Variants in LMF1 observed in about 807,000 individuals in gnomAD.
LMF1 encodes transmembrane protein 112.
In LMF1, 68 loss-of-function variants were observed where a neutral mutation model predicts 60.6. The observed-to-expected ratio is 1.12, with a 90% CI of 0.92 to 1.37. The LOEUF is 1.37. Among genes scored for constraint, LMF1 ranks in the 40% most tolerant of loss-of-function variants. LMF1 has a pLI of 0.00. For synonymous variants in LMF1, 418 were observed against 324.7 expected (o/e 1.29, Z -3.09); for missense variants, 948 against 767.2 (o/e 1.24, Z -2.78).
intron 1 of LMF1, chr16:978,985 T>C (rs1276031546): frequency 8.8e-6 from 4 of 453,988 alleles, no homozygotes; most frequent in South Asian, 6.2e-5. Flanking sequence ...AGACCATCCT[T>C]CCTGAAGTCC....
chr16:863,351 A>C (rs1178420232), intron 10 of LMF1, among the ~76,000 whole-genome samples: 2 of 152,140 alleles, frequency 1.3e-5, no homozygotes, highest in Non-Finnish European at 2.9e-5. Flanking sequence ...CATGTTGGCC[A>C]TGCTGGTCTT....
Position 940,027 on chromosome 16 carries a change from A to G in LMF1, c.504-5773T>C, listed in dbSNP as rs1392895334. Among the ~76,000 whole-genome samples the G allele has an allele frequency of 2.6e-5, 4 of 152,174 alleles. 1 individual carries two copies. Among genetic ancestry groups the G allele is most frequent in the Middle Eastern group, 3.2e-3 (1 of 316 alleles). ...GACGTCCTCATCAGAGAGACGTACC[A>G]GGAACCCTGAGACAGACCAAAGGGG... On this transcript the variant is annotated intron_variant, in intron 2 of 10. Transcript: ENST00000262301.
chr16:888,666 A>G (rs554968789), intron 5 of LMF1, among the ~76,000 whole-genome samples: 1 of 152,310 alleles, frequency 6.6e-6, no homozygotes, highest in Admixed American at 6.5e-5. Flanking sequence ...AGCCTGCTGC[A>G]TTCTGGACGG....
chr16:955,025 G>C lies in LMF1; in HGVS notation c.194-359C>G, dbSNP rs59007758. Among the ~76,000 whole-genome samples the C allele has an allele frequency of 6.8e-3, 887 of 129,764 alleles. 14 individuals are homozygous for C. The highest frequency in any genetic ancestry group is 7.7e-3 in the Non-Finnish European group (462 of 60,220). 85.1% of individuals were successfully genotyped at this position (129,764 alleles called of 152,430 possible). A position where few individuals can be genotyped will look rare whatever the true frequency, so the allele number is the denominator to read the frequency against. On this transcript the variant is annotated intron_variant, in intron 1 of 10. Coordinates refer to ENST00000262301, the MANE Select transcript of LMF1 (RefSeq NM_022773.4). The stretch of plus-strand genomic sequence containing the variant: ...AATGCGTGCCTGCAGCAGATGCGGT[G>C]TGTGCATACACACACACACATCTAA...
chr16:975,830 C>T (rs1446890616), upstream of LMF1: 3 of 453,996 alleles, frequency 6.6e-6, no homozygotes, highest in South Asian at 3.1e-5. Flanking sequence ...CCATCCTGGC[C>T]GGGGAGGTCA....
At chr16:903,994 G>C (rs1596959201) in intron 4 of LMF1, 1 of 164,562 alleles carries the variant, frequency 6.1e-6, no homozygotes, top group Non-Finnish European at 1.1e-5. Context: ...CAGGACGCCT[G>C]TCTCTGCTGT....
intron 3 of LMF1, among the ~76,000 whole-genome samples, chr16:928,166 T>C (rs1453793033): frequency 6.6e-6 from 1 of 152,206 alleles, no homozygotes; most frequent in African/African-American, 2.4e-5. Context: ...CCGTTGCTGC[T>C]GAGATTCATT....
intron 1 of LMF1, among the ~76,000 whole-genome samples, chr16:978,153 C>T (rs1219560464): frequency 1.4e-5 from 2 of 148,052 alleles, no homozygotes; most frequent in Non-Finnish European, 3.0e-5. Flanking sequence ...ACATCATACA[C>T]ACACACACAC....
At chr16:882,736 C>G (rs2070195787) in intron 5 of LMF1, among the ~76,000 whole-genome samples, 4 of 146,282 alleles carry the variant, frequency 2.7e-5, no homozygotes, top group Admixed American at 2.0e-4. Flanking sequence ...GGCAGCAGAG[C>G]CCATCGCAGG....
chr16:934,220 T>C (rs1173706268), intron 3 of LMF1, 24 bp downstream of exon 3: 6 of 1,599,374 alleles, frequency 3.8e-6, no homozygotes, highest in Middle Eastern at 1.7e-4. Flanking sequence ...CTCGCAGAGC[T>C]TTCTCTAAAT....
intron 3 of LMF1, among the ~76,000 whole-genome samples, chr16:920,518 A>T (rs2071404287): frequency 6.6e-6 from 1 of 152,232 alleles, no homozygotes; most frequent in African/African-American, 2.4e-5. Context: ...AAAGGCAGTG[A>T]ACACGAAGAC....
intron 3 of LMF1, among the ~76,000 whole-genome samples, chr16:922,588 G>A (rs191281564): frequency 0.017 from 2,340 of 141,134 alleles, 17 homozygotes; most frequent in Non-Finnish European, 0.024. Context: ...TCTGAAAGTC[G>A]CCTCGGTTTT....
rs779463192 is a variant in LMF1, at chr16:893,034, G to T, written c.702C>A (p.Asp234Glu). ...IKIRGDRCWR[D>E]LTCMDFHYET... Reference sequence around the variant, plus strand: ...CATAGTGGAAGTCCATGCAGGTGAGGTCTCGCCAGCACCGGTCCCCCCGGA... The same window carrying T: ...CATAGTGGAAGTCCATGCAGGTGAGTTCTCGCCAGCACCGGTCCCCCCGGA... The change falls in exon 5 of 11, where the codon GAC (aspartate) becomes GAA (glutamate). Residue 234 changes from aspartate (D) to glutamate (E), a missense_variant. Physicochemically the swap from Asp to Glu is conservative, Grantham distance 45. Transcript: ENST00000262301. 4.5e-6 allele frequency: 7 copies of T among 1,551,952 alleles called. No individual in the cohort carries two copies. The Admixed American group carries it at 1.2e-4, about 26-fold the overall frequency.
intron 10 of LMF1, among the ~76,000 whole-genome samples, chr16:859,131 C>G (rs79006679): frequency 0.036 from 1,379 of 38,426 alleles, 2 homozygotes; most frequent in Middle Eastern, 0.077. Flanking sequence ...CGGGTGTGCA[C>G]TGATGTCACG....
In LMF1 at chr16:870,900, T is replaced by G; in HGVS notation, c.1079-18A>C. On this transcript the variant is annotated intron_variant, in intron 7 of 10. Coordinates refer to ENST00000262301, the MANE Select transcript of LMF1 (RefSeq NM_022773.4). ...CACGGAGCCTGGCAGGGGAGTGACATCTTCCAGGTGGGGCTCCCAGCTGCC... is the reference window on the plus strand; with the variant it reads ...CACGGAGCCTGGCAGGGGAGTGACAGCTTCCAGGTGGGGCTCCCAGCTGCC... 6.3e-7 allele frequency: 1 copy of G among 1,593,686 alleles called. No individual in the cohort carries two copies. The highest frequency in any genetic ancestry group is 8.5e-7 in the Non-Finnish European group (1 of 1,173,948).
chr16:871,596 G>T, intron 6 of LMF1: 1 of 518,558 alleles, frequency 1.9e-6, no homozygotes, highest in Admixed American at 3.4e-5. Context: ...TGCAGGTTCT[G>T]TCCCTTGCTT....
chr16:955,386 C>T (rs60236349), intron 1 of LMF1, among the ~76,000 whole-genome samples: 71 of 126,022 alleles, frequency 5.6e-4, no homozygotes, highest in African/African-American at 1.6e-3. Context: ...GCAGCAGACG[C>T]GGTGTGTGCA....
At chr16:926,416 C>G (rs917447133) in intron 3 of LMF1, among the ~76,000 whole-genome samples, 7 of 151,866 alleles carry the variant, frequency 4.6e-5, no homozygotes, top group African/African-American at 1.5e-4. Context: ...TCTGCATATG[C>G]ATCTGTGTAT....
intron 3 of LMF1, among the ~76,000 whole-genome samples, chr16:928,348 C>G (rs1330013659): frequency 2.0e-5 from 3 of 152,164 alleles, no homozygotes; most frequent in South Asian, 4.1e-4. Flanking sequence ...TGAGGATAAA[C>G]CAATCATTCA....
Sources: gnomAD v4.1 joint callset for allele counts (sites outside exome capture counted in the v4.1 genomes callset) on GRCh38, gnomAD v4.1.1 for gene constraint, MANE v1.5 for transcripts, NCBI Gene and HGNC (gene_info 2026-07-23, HGNC 2026-07-21) for gene names.